The following USP16 variants were observed in gnomAD, a reference collection of about 807,000 sequenced individuals.
USP16 encodes the protein ubiquitin specific peptidase 16.
In USP16, 77 loss-of-function variants were observed where a neutral mutation model predicts 95.9. That is an observed-to-expected ratio of 0.80 (90% confidence interval 0.67 to 0.97). The LOEUF is 0.97. USP16 is among the 50% of genes least tolerant of loss of function. The pLI is 0.00. For synonymous variants in USP16, 303 were observed against 318.2 expected, an observed-to-expected ratio of 0.95 and a Z score of 0.51; for missense variants, 943 against 959.9, an observed-to-expected ratio of 0.98 and a Z score of 0.23.
At chr21:29,032,738 G>A (rs1007559286) in intron 3 of USP16, among the ~76,000 whole-genome samples, 14 of 152,154 alleles carry the variant, frequency 9.2e-5, no homozygotes, top group Admixed American at 7.9e-4. Context: ...TTGTGTACAG[G>A]TTTTTGTGTG....
chr21:29,036,269 A>G lies in USP16; in HGVS notation c.345-2A>G. On this transcript the variant is annotated splice_acceptor_variant, in intron 4 of 17. Transcript: ENST00000399976. LOFTEE classifies it high-confidence loss of function. ...TTTTCATCTCTGATTTTTGGGTCAC[A>G]GGTGTTACGTATGTGATAATGAGGT... The G allele has an allele frequency of 6.3e-7, 1 of 1,598,202 alleles. No individual in the cohort carries two copies. Among genetic ancestry groups the G allele is most frequent in the Non-Finnish European group, 8.5e-7 (1 of 1,170,840 alleles).
chr21:29,037,829 AC>A (rs1279835687), intron 6 of USP16, among the ~76,000 whole-genome samples: 1 of 151,654 alleles, frequency 6.6e-6, no homozygotes, highest in Non-Finnish European at 1.5e-5. Flanking sequence ...TAAGCCGTCC[AC>A]CCCCTTTGGC....
chr21:29,052,623 A>G (rs949892352), intron 16 of USP16: 5 of 152,246 alleles, frequency 3.3e-5, no homozygotes, highest in East Asian at 1.9e-4. Flanking sequence ...CAGCCAAACC[A>G]TATCAGGAAT....
At chr21:29,029,800 T>TC (rs1346505024) in intron 2 of USP16, among the ~76,000 whole-genome samples, 3 of 152,218 alleles carry the variant, frequency 2.0e-5, no homozygotes, top group African/African-American at 7.2e-5. Flanking sequence ...GTTTAAAGTG[T>TC]GAGCTATGAA....
intron 7 of USP16, 61 bp downstream of exon 7, chr21:29,038,491 T>G (rs1219218079): frequency 4.1e-6 from 5 of 1,219,222 alleles, no homozygotes; most frequent in African/African-American, 3.0e-5. Flanking sequence ...TTTTCTAAAT[T>G]ATTTTAAATA....
intron 7 of USP16, 129 bp downstream of exon 7, chr21:29,038,559 A>G (rs894032412): frequency 1.4e-5 from 10 of 730,126 alleles, no homozygotes; most frequent in Admixed American, 2.6e-5. Context: ...CTACTAACTT[A>G]AACAGTTTCA....
At chr21:29,039,605 T>C in intron 9 of USP16, 37 bp downstream of exon 9, 3 of 1,578,172 alleles carry the variant, frequency 1.9e-6, no homozygotes, top group Non-Finnish European at 2.6e-6. Flanking sequence ...TATGATCTTA[T>C]CTTCATAAGC....
chr21:29,053,133 G>C (rs2085441437), intron 16 of USP16: 1 of 152,244 alleles, frequency 6.6e-6, no homozygotes, highest in East Asian at 1.9e-4. Context: ...AGTGAATATG[G>C]AGGCACAGAT....
chr21:29,047,078 A>G lies in USP16; in HGVS notation c.1768A>G (p.Ile590Val). Residue 590 changes from isoleucine to valine, a missense_variant, in exon 14 of 18, where the codon ATA becomes GTA. Transcript: ENST00000399976. Reference protein sequence around the residue: ...NLNAALHPDEINIEILNDSHT... With the variant: ...NLNAALHPDEVNIEILNDSHT... ...GAATGCTGCTCTTCATCCTGATGAAATAAATATAGAGATTCTGAATGATAG... is the reference window on the plus strand; with the variant it reads ...GAATGCTGCTCTTCATCCTGATGAAGTAAATATAGAGATTCTGAATGATAG... The G allele has an allele frequency of 6.2e-7, 1 of 1,614,098 alleles. No individual in the cohort carries two copies. Among genetic ancestry groups the G allele is most frequent in the Non-Finnish European group, 8.5e-7 (1 of 1,180,018 alleles).
chr21:29,039,020 A>G lies in USP16; in HGVS notation c.733-6A>G. 4 of 1,509,594 alleles carry G rather than the reference A, an allele frequency of 2.6e-6. No individual in the cohort carries two copies. Among genetic ancestry groups the G allele is most frequent in the Non-Finnish European group, 3.5e-6 (4 of 1,130,858 alleles). The allele number at this position is 1,509,594 out of a possible 1,614,324, so 93.5% of individuals were successfully genotyped here. A position where few individuals can be genotyped will look rare whatever the true frequency, so the allele number is the denominator to read the frequency against. On this transcript the variant is annotated splice_region_variant and splice_polypyrimidine_tract_variant and intron_variant, in intron 7 of 17. Coordinates refer to ENST00000399976, the MANE Select transcript of USP16 (RefSeq NM_006447.3). ...TGAAGAAAGTAATTTCTTTTCCCAT[A>G]TTCAGGAACCATTAGAAATAAACCT...
At chr21:29,046,207 C>T (rs184033684) in intron 13 of USP16, among the ~76,000 whole-genome samples, 1 of 152,250 alleles carries the variant, frequency 6.6e-6, no homozygotes, top group African/African-American at 2.4e-5. Context: ...CATGATCATA[C>T]CTCACAGTAA....
chr21:29,050,200 C>T, intron 16 of USP16, 22 bp downstream of exon 16: 1 of 1,606,578 alleles, frequency 6.2e-7, no homozygotes, highest in Non-Finnish European at 8.5e-7. Flanking sequence ...TGGTCTTTTT[C>T]AGGAAAGTCC....
rs762403680 is a variant in USP16, at chr21:29,024,683, C to T, written c.-136C>T. ...TCCAGGGGTCACTCTGGCTTCGACTCCGTCGCTCTCAATTCGTCACCAGGA... is the reference window on the plus strand; with the variant it reads ...TCCAGGGGTCACTCTGGCTTCGACTTCGTCGCTCTCAATTCGTCACCAGGA... On this transcript the variant is annotated 5_prime_UTR_variant, in exon 1 of 18. Coordinates refer to ENST00000399976, the MANE Select transcript of USP16 (RefSeq NM_006447.3). The T allele has an allele frequency of 6.9e-5, 89 of 1,287,614 alleles. No individual in the cohort carries two copies. The highest frequency in any genetic ancestry group is 7.1e-6 in the Non-Finnish European group (7 of 987,268). The allele number at this position is 1,287,614 out of a possible 1,614,324, so 79.8% of individuals were successfully genotyped here.
In USP16 at chr21:29,024,990, C is replaced by CGACCCCGTGGACCCAGAGGT. The variant is rs2084964293; in HGVS notation, c.-42+214_-42+233dup. The CGACCCCGTGGACCCAGAGGT allele has an allele frequency of 1.5e-5, 6 of 405,628 alleles. No homozygotes were observed. The Admixed American group carries it at 2.8e-4, about 19-fold the overall frequency. The allele number at this position is 405,628 out of a possible 1,614,324, so 25.1% of individuals were successfully genotyped here. The stretch of plus-strand genomic sequence containing the variant: ...GAGATGCCGCTGCTGGCGGCCTTCT[C>CGACCCCGTGGACCCAGAGGT]GACCCCGTGGACCCAGAGGTTCCCC... On this transcript the variant is annotated intron_variant, in intron 1 of 17. Coordinates refer to ENST00000399976, the MANE Select transcript of USP16 (RefSeq NM_006447.3).
At chr21:29,039,306 T>A in intron 8 of USP16, 150 bp downstream of exon 8, 1 of 1,137,690 alleles carries the variant, frequency 8.8e-7, no homozygotes, top group Non-Finnish European at 1.1e-6. Context: ...TCATTTGGAT[T>A]TTAAAATATA....
intron 3 of USP16, among the ~76,000 whole-genome samples, chr21:29,032,476 C>T (rs2085091962): frequency 1.3e-5 from 2 of 152,100 alleles, no homozygotes; most frequent in South Asian, 4.1e-4. Flanking sequence ...AAGTGATCTA[C>T]CCCCCTGGGC....
rs2085252817 is a variant in USP16, at chr21:29,042,089, T to G, written c.1107T>G (p.Cys369Trp). ...GTGAACTAACTAGTATGATCATGTG[T>G]GATCAATGCAGAACTGTAAGTAGAT... ...FGGELTSMIM[C>W]DQCRTVSLVH... The change falls in exon 11 of 18, where the codon TGT (cysteine) becomes TGG (tryptophan). Residue 369 changes from cysteine (C) to tryptophan (W), a missense_variant. By Grantham distance (215) the Cys-to-Trp change is radical. Coordinates refer to ENST00000399976, the MANE Select transcript of USP16 (RefSeq NM_006447.3). 6.2e-7 allele frequency: 1 copy of G among 1,612,880 alleles called. No homozygotes were observed. The highest frequency in any genetic ancestry group is 1.3e-5 in the African/African-American group (1 of 74,914).
intron 9 of USP16, among the ~76,000 whole-genome samples, chr21:29,040,276 C>T (rs2085224020): frequency 6.6e-6 from 1 of 152,110 alleles, no homozygotes; most frequent in Non-Finnish European, 1.5e-5. Context: ...GCACTGGAGT[C>T]AGACCCTGTG....
At chr21:29,050,713 T>C (rs4395323) in intron 16 of USP16, among the ~76,000 whole-genome samples, 12,519 of 152,134 alleles carry the variant, frequency 0.082, 812 homozygotes, top group African/African-American at 0.18. Flanking sequence ...CTAGAGTTTA[T>C]AGTACAAGGT....
Sources: gnomAD v4.1 joint callset for allele counts (sites outside exome capture counted in the v4.1 genomes callset) on GRCh38, gnomAD v4.1.1 for gene constraint, MANE v1.5 for transcripts, NCBI Gene and HGNC (gene_info 2026-07-23, HGNC 2026-07-21) for gene names.